The following SERPINI2 variants were observed in gnomAD, a reference collection of about 807,000 sequenced individuals.
SERPINI2 encodes the protein serpin family I member 2.
A neutral mutation model predicts 47.3 loss-of-function variants in SERPINI2; 48 were observed. The observed-to-expected ratio is 1.02, with a 90% CI of 0.81 to 1.29. SERPINI2 has a LOEUF of 1.29. Ranked by LOEUF, SERPINI2 falls within the 50% of genes most tolerant of loss-of-function variation. The pLI is 0.00. For missense variants in SERPINI2, 448 were observed against 456.9 expected (o/e 0.98, Z 0.18); for synonymous variants, 135 against 149.3 (o/e 0.90, Z 0.70).
chr3:167,442,317 T>G (rs1012224302), intron 8 of SERPINI2, 132 bp from the exon 9 acceptor site: 1 of 536,732 alleles, frequency 1.9e-6, no homozygotes, highest in African/African-American at 2.0e-5. Flanking sequence ...CAGTGTCTAA[T>G]AGCAAAGCCT....
At chr3:167,451,415 T>C (rs932216470) in intron 6 of SERPINI2, among the ~76,000 whole-genome samples, 2 of 152,240 alleles carry the variant, frequency 1.3e-5, no homozygotes, top group Non-Finnish European at 2.9e-5. Flanking sequence ...TGCTTCATAG[T>C]AGCCTTTAGT....
chr3:167,473,400 T>C (rs1201169081), intron 1 of SERPINI2, among the ~76,000 whole-genome samples: 2 of 151,634 alleles, frequency 1.3e-5, no homozygotes, highest in East Asian at 3.9e-4. Flanking sequence ...CATTATCTTC[T>C]AATATATTCA....
intron 8 of SERPINI2, among the ~76,000 whole-genome samples, chr3:167,443,911 G>T (rs1749395141): frequency 6.6e-6 from 1 of 152,080 alleles, no homozygotes; most frequent in African/African-American, 2.4e-5. Flanking sequence ...AAGCAAAAAT[G>T]ATTATTTTTT....
chr3:167,470,550 C>CTTGTTTTTT (rs1750277158), intron 2 of SERPINI2, among the ~76,000 whole-genome samples: 2 of 93,034 alleles, frequency 2.1e-5, no homozygotes, highest in African/African-American at 1.1e-4. Flanking sequence ...TGAGCAACAA[C>CTTGTTTTTT]TTTTTTTTTT....
At chr3:167,448,307 A>G (rs868180919) in intron 7 of SERPINI2, among the ~76,000 whole-genome samples, 2 of 152,314 alleles carry the variant, frequency 1.3e-5, no homozygotes, top group African/African-American at 4.8e-5. Flanking sequence ...GAGATTTTGC[A>G]TTTCTAACGA....
At chr3:167,449,670 T>G (rs1374467620) in intron 6 of SERPINI2, among the ~76,000 whole-genome samples, 1 of 140,450 alleles carries the variant, frequency 7.1e-6, no homozygotes, top group Admixed American at 7.0e-5. Flanking sequence ...ATTTTTGTAT[T>G]TTTAGTAGAG....
chr3:167,466,651 C>A (rs1192586299), intron 3 of SERPINI2, among the ~76,000 whole-genome samples: 1 of 152,082 alleles, frequency 6.6e-6, no homozygotes, highest in Non-Finnish European at 1.5e-5. Flanking sequence ...AATATTAACA[C>A]ATTCAACTAA....
intron 3 of SERPINI2, 26 bp downstream of exon 3, chr3:167,467,029 A>G: frequency 6.5e-7 from 1 of 1,527,424 alleles, no homozygotes; most frequent in African/African-American, 1.4e-5. Context: ...GGCAAATAAT[A>G]ATTTTATGAA....
At chr3:167,471,963 GA>G (rs1168759226) in intron 1 of SERPINI2, 119 bp from the exon 2 acceptor site, 13 of 671,512 alleles carry the variant, frequency 1.9e-5, no homozygotes, top group Admixed American at 1.3e-4. Context: ...TACCACAAGT[GA>G]ACTCTATCCA....
Position 167,467,040 on chromosome 3 carries a change from A to G in SERPINI2, c.478+15T>C. On this transcript the variant is annotated intron_variant, in intron 3 of 8. Transcript: ENST00000264677. ...CAATGGCAAATAATAATTTTATGAA[A>G]ATGGGAAACTTTACCATCTGTTTTT... is the stretch of plus-strand genomic sequence containing the variant. 1 of 1,556,766 alleles carries G rather than the reference A, an allele frequency of 6.4e-7. No individual in the cohort carries two copies. The highest frequency in any genetic ancestry group is 8.8e-7 in the Non-Finnish European group (1 of 1,140,068).
chr3:167,467,620 T>C (rs1238067421), intron 2 of SERPINI2, among the ~76,000 whole-genome samples: 3 of 152,198 alleles, frequency 2.0e-5, no homozygotes, highest in Non-Finnish European at 4.4e-5. Context: ...ATGTTTAGAA[T>C]CTTATTTGCA....
intron 5 of SERPINI2, among the ~76,000 whole-genome samples, chr3:167,455,593 C>CAAA (rs11407272): frequency 6.5e-4 from 80 of 123,262 alleles, no homozygotes; most frequent in African/African-American, 2.2e-3. Flanking sequence ...ATACGAGTCT[C>CAAA]AAAAAAAAAA....
chr3:167,445,392 C>A (rs1459136288), intron 8 of SERPINI2, among the ~76,000 whole-genome samples: 1 of 152,106 alleles, frequency 6.6e-6, no homozygotes, highest in African/African-American at 2.4e-5. Flanking sequence ...ATGTGCCAGG[C>A]ACAGTGTTAC....
chr3:167,443,183 T>C (rs896720485), intron 8 of SERPINI2, among the ~76,000 whole-genome samples: 3 of 152,140 alleles, frequency 2.0e-5, no homozygotes, highest in Admixed American at 6.5e-5. Context: ...TCTCCGCTCA[T>C]TGCAAGCTCC....
intron 7 of SERPINI2, among the ~76,000 whole-genome samples, chr3:167,447,913 G>C (rs1191821705): frequency 6.6e-6 from 1 of 152,184 alleles, no homozygotes; most frequent in East Asian, 1.9e-4. Flanking sequence ...GTTTCATCCA[G>C]ATGTCAAAAT....
chr3:167,449,914 CAGAG>C (rs1749596953), intron 6 of SERPINI2, among the ~76,000 whole-genome samples: 1 of 152,138 alleles, frequency 6.6e-6, no homozygotes, highest in African/African-American at 2.4e-5. Context: ...GACATATATA[CAGAG>C]AGAGATCAAG....
intron 6 of SERPINI2, among the ~76,000 whole-genome samples, chr3:167,450,657 C>T (rs1749615690): frequency 6.7e-6 from 1 of 150,008 alleles, no homozygotes; most frequent in Admixed American, 6.6e-5. Context: ...AACTGAAATG[C>T]GAGAGAATTT....
At chr3:167,445,153 T>C (rs755916593) in intron 8 of SERPINI2, among the ~76,000 whole-genome samples, 2 of 152,162 alleles carry the variant, frequency 1.3e-5, no homozygotes, top group Non-Finnish European at 2.9e-5. Flanking sequence ...TTTTAAGATA[T>C]GACTTTCAGA....
chr3:167,458,730 A>C (rs1232153581), intron 5 of SERPINI2, among the ~76,000 whole-genome samples: 1 of 152,184 alleles, frequency 6.6e-6, no homozygotes, highest in African/African-American at 2.4e-5. Context: ...ATAAGTATCA[A>C]ACTAATAAGG....
Sources: gnomAD v4.1 joint callset for allele counts (sites outside exome capture counted in the v4.1 genomes callset) on GRCh38, gnomAD v4.1.1 for gene constraint, MANE v1.5 for transcripts, NCBI Gene and HGNC (gene_info 2026-07-23, HGNC 2026-07-21) for gene names.